Variants in RNF17 observed in about 807,000 individuals in gnomAD.
The protein encoded by RNF17 is ring finger protein 17, also known as spermatogenesis associated 23.
A neutral mutation model predicts 200.5 loss-of-function variants in RNF17; 31 were observed. The ratio of observed to expected loss-of-function variants is 0.15; its 90% CI spans 0.12 to 0.21. The LOEUF (loss-of-function observed/expected upper bound fraction) is 0.21, where lower values mean the gene tolerates loss of function less well. Among genes scored for constraint, RNF17 ranks in the 10% least tolerant of loss-of-function variants. RNF17 has a pLI of 1.00. For missense variants in RNF17, 1,628 were observed against 1,905.1 expected, an observed-to-expected ratio of 0.85 and a Z score of 2.71; for synonymous variants, 606 against 637.8, an observed-to-expected ratio of 0.95 and a Z score of 0.75.
At chr13:24,791,785 C>T (rs1883892460) in intron 9 of RNF17, among the ~76,000 whole-genome samples, 1 of 152,128 alleles carries the variant, frequency 6.6e-6, no homozygotes, top group Admixed American at 6.6e-5. Flanking sequence ...GGTCACAAAA[C>T]TGATGTGTAG....
chr13:24,816,766 T>A (rs578005473), intron 15 of RNF17, among the ~76,000 whole-genome samples: 1 of 152,278 alleles, frequency 6.6e-6, no homozygotes, highest in Non-Finnish European at 1.5e-5. Flanking sequence ...TGGACACAGG[T>A]CGGACAAGAA....
chr13:24,885,978 G>A, the RNF17 span: 1 of 417,798 alleles, frequency 2.4e-6, no homozygotes, highest in Non-Finnish European at 4.5e-6. Context: ...AGATAAAAGA[G>A]GCATCTAAGA....
chr13:24,766,553 A>G (rs1482259502), intron 1 of RNF17, among the ~76,000 whole-genome samples: 1 of 152,224 alleles, frequency 6.6e-6, no homozygotes, highest in African/African-American at 2.4e-5. Context: ...AAATAATTCT[A>G]ACAGCACGGT....
chr13:24,767,310 G>A lies in RNF17; in HGVS notation c.169G>A (p.Glu57Lys). The change falls in exon 2 of 36, where the codon GAA becomes AAA. Residue 57 changes from glutamate (E) to lysine (K), a missense_variant. Glu to Lys is a moderately conservative substitution (Grantham distance 56, BLOSUM62 1). Transcript: ENST00000255324. ...CELQCGHAFC[E>K]LCLLMTEECT... ...ACTTCAATGTGGACATGCTTTTTGT[G>A]AACTATGCTTGTTAATGACTGAAGA... 1.9e-6 allele frequency: 3 copies of A among 1,612,492 alleles called. No individual in the cohort carries two copies. Among genetic ancestry groups the A allele is most frequent in the Non-Finnish European group, 2.5e-6 (3 of 1,178,720 alleles).
intron 29 of RNF17, 88 bp downstream of exon 29, chr13:24,865,086 T>A: frequency 4.1e-6 from 4 of 970,378 alleles, no homozygotes; most frequent in Non-Finnish European, 6.2e-6. Context: ...GTCTTAAATA[T>A]GATTCTACAT....
chr13:24,811,521 G>A (rs1489220983), intron 15 of RNF17, among the ~76,000 whole-genome samples: 2 of 151,652 alleles, frequency 1.3e-5, no homozygotes, highest in African/African-American at 4.8e-5. Context: ...CTCTGTATTG[G>A]TTATTCTAGT....
Position 24,808,611 on chromosome 13 carries a change from C to G in RNF17, c.2091+4182C>G, listed in dbSNP as rs1375705976. 5.5e-5 allele frequency among the ~76,000 whole-genome samples: 6 copies of G among 108,420 alleles called. No homozygotes were observed. The East Asian group carries it at 1.5e-3, about 27-fold the overall frequency. 71.1% of individuals were successfully genotyped at this position (108,420 alleles called of 152,430 possible). On this transcript the variant is annotated intron_variant, in intron 15 of 35. Coordinates refer to ENST00000255324, the MANE Select transcript of RNF17 (RefSeq NM_031277.3). The stretch of plus-strand genomic sequence containing the variant: ...GCAAACAGGGACAATTTGACTTCCT[C>G]TTTTCCTAATTGAATACCCTTTATT...
chr13:24,826,847 G>A (rs1356339308), intron 16 of RNF17, among the ~76,000 whole-genome samples: 1 of 151,824 alleles, frequency 6.6e-6, no homozygotes, highest in African/African-American at 2.4e-5. Flanking sequence ...GATCACCTGA[G>A]GTCGGGAGTT....
At chr13:24,808,004 T>G (rs34126662) in intron 15 of RNF17, among the ~76,000 whole-genome samples, 60,334 of 148,852 alleles carry the variant, frequency 0.41, 11,725 homozygotes, top group Middle Eastern at 0.45. Context: ...CATTGATCTA[T>G]ATCTCTGTTT....
intron 27 of RNF17, among the ~76,000 whole-genome samples, chr13:24,861,708 T>C (rs1893118990): frequency 6.6e-6 from 1 of 152,212 alleles, no homozygotes; most frequent in Non-Finnish European, 1.5e-5. Context: ...TGTCTTATTC[T>C]GTATTGCTGC....
In RNF17 at chr13:24,851,595, TG is replaced by T. The variant is rs767082566; in HGVS notation, c.3320+25del. 1.3e-5 allele frequency: 20 copies of T among 1,493,576 alleles called. No individual in the cohort carries two copies. The African/African-American group carries it at 2.7e-4, about 20-fold the overall frequency. The allele number at this position is 1,493,576 out of a possible 1,614,324, so 92.5% of individuals were successfully genotyped here. ...AGGTATAGACTTTTTTAAAAAATTT[TG>T]ACATCAGTTTGTGATGGATGCCTCA... On this transcript the variant is annotated intron_variant, in intron 24 of 35. Coordinates refer to ENST00000255324, the MANE Select transcript of RNF17 (RefSeq NM_031277.3).
Position 24,774,893 on chromosome 13 carries a change from G to A in RNF17, c.306G>A (p.Leu102=). Residue 102 remains leucine (L), a synonymous_variant, in exon 3 of 36, where the codon CTG becomes CTA. Transcript: ENST00000255324. ...AGGAAGACTCCATAATGGAAAAACTGCAGCCTAAGACGTATGTTCCATGTG... is the reference window on the plus strand; with the variant it reads ...AGGAAGACTCCATAATGGAAAAACTACAGCCTAAGACGTATGTTCCATGTG... ...YIKEDSIMEK[L]QPKTIKNCSQ... 1.3e-6 allele frequency: 2 copies of A among 1,598,494 alleles called. No homozygotes were observed. Among genetic ancestry groups the A allele is most frequent in the South Asian group, 2.2e-5 (2 of 90,596 alleles).
the RNF17 span, chr13:24,885,764 CTGCTGTCCTTTATCCATTAGT>C: frequency 1.1e-6 from 1 of 882,812 alleles, no homozygotes; most frequent in Non-Finnish European, 1.9e-6. Context: ...ATCCTGTGAA[CTGCTGTCCTTTATCCATTAGT>C]TAAGGATGTC....
At chr13:24,756,116 C>T in the RNF17 span, among the ~76,000 whole-genome samples, 1 of 152,048 alleles carries the variant, frequency 6.6e-6, no homozygotes, top group South Asian at 2.1e-4. Context: ...TAACTCATTT[C>T]CTGAATGTAC....
upstream of RNF17, among the ~76,000 whole-genome samples, chr13:24,763,951 A>G (rs769532725): frequency 1.1e-4 from 16 of 152,222 alleles, no homozygotes; most frequent in Non-Finnish European, 1.5e-5. Flanking sequence ...TAAAAGCACT[A>G]AAGTGGTGAC....
chr13:24,870,827 T>C, intron 32 of RNF17, 88 bp downstream of exon 32: 2 of 988,856 alleles, frequency 2.0e-6, no homozygotes, highest in Admixed American at 5.0e-5. Flanking sequence ...CTATCTCTAA[T>C]GCTGATATTT....
chr13:24,880,959 T>C (rs1225561028), downstream of RNF17, among the ~76,000 whole-genome samples: 1 of 152,172 alleles, frequency 6.6e-6, no homozygotes, highest in Non-Finnish European at 1.5e-5. Context: ...CTAGTGACCA[T>C]TCCGTCACTT....
downstream of RNF17, chr13:24,882,211 TAG>T (rs199811770): frequency 0.056 from 476 of 8,566 alleles, 160 homozygotes; most frequent in Middle Eastern, 0.4. Context: ...TCTATATAGA[TAG>T]ATATAGATAC....
intron 15 of RNF17, among the ~76,000 whole-genome samples, chr13:24,822,738 C>T (rs1384738444): frequency 6.6e-6 from 1 of 152,118 alleles, no homozygotes; most frequent in Non-Finnish European, 1.5e-5. Flanking sequence ...TTCTTTTTAA[C>T]TCCTGTGTCA....
Sources: allele counts gnomAD v4.1 joint callset (sites outside exome capture counted in the v4.1 genomes callset), GRCh38; gene constraint gnomAD v4.1.1; transcripts MANE v1.5; gene names NCBI Gene and HGNC (gene_info 2026-07-23, HGNC 2026-07-21).